RTP1: variants seen among roughly 807,000 people sequenced by gnomAD.
The protein encoded by RTP1 is receptor transporter protein 1, also known as receptor-transporting protein 1.
RTP1 carries 24 observed loss-of-function variants against 27.1 expected under a neutral mutation model. That is an observed-to-expected ratio of 0.89 (90% CI 0.64 to 1.25). RTP1 has a LOEUF of 1.25. Ranked by LOEUF, RTP1 falls within the 50% of genes most tolerant of loss-of-function variation. The probability of loss-of-function intolerance (pLI) is 0.00; values close to 1 mark genes in which losing one functional copy is unlikely to be tolerated. For synonymous variants in RTP1, 148 were observed against 148.1 expected, an observed-to-expected ratio of 1.00 and a Z score of 0.00; for missense variants, 338 against 351.6, an observed-to-expected ratio of 0.96 and a Z score of 0.31.
chr3:187,197,909 C>A, intron 1 of RTP1, 122 bp downstream of exon 1: 1 of 933,934 alleles, frequency 1.1e-6, no homozygotes, highest in Non-Finnish European at 1.6e-6. Context: ...CACTATTAGG[C>A]TGGCGTAGAC....
In RTP1 at chr3:187,200,439, G is replaced by T. The variant is rs1037113439; in HGVS notation, c.*369G>T. The T allele has an allele frequency of 6.6e-5, 8 of 120,568 alleles. No homozygotes were observed. Among genetic ancestry groups the T allele is most frequent in the Non-Finnish European group, 9.8e-5 (6 of 61,314 alleles). 7.5% of individuals were successfully genotyped at this position (120,568 alleles called of 1,614,324 possible). ...TTACTTTAGATAGGGTTCCATTTAA[G>T]ATTTTTGTACCAAAAAAAAAAAAAA... is the stretch of plus-strand genomic sequence containing the variant. On this transcript the variant is annotated 3_prime_UTR_variant, in exon 2 of 2. Transcript: ENST00000312295.
chr3:187,201,071 T>C lies in RTP1; in HGVS notation c.*1001T>C, dbSNP rs961642356. 1 of 152,216 alleles carries C rather than the reference T, an allele frequency of 6.6e-6. No individual in the cohort carries two copies. Among genetic ancestry groups the C allele is most frequent in the African/African-American group, 2.4e-5 (1 of 41,446 alleles). The allele number at this position is 152,216 out of a possible 1,614,324, so 9.4% of individuals were successfully genotyped here. ...ATTATAGTTGAATGGCTTTCTCACA[T>C]TGGCCAAGCATGAGGCCTCTTGCCA... On this transcript the variant is annotated 3_prime_UTR_variant, in exon 2 of 2. Transcript: ENST00000312295.
At position 187,200,018 on chromosome 3, in the gene RTP1, C is replaced by A; in HGVS notation, c.740C>A (p.Thr247Lys). The change falls in exon 2 of 2, where the codon ACG becomes AAG. Residue 247 changes from threonine to lysine, a missense_variant. Physicochemically the swap from Thr to Lys is moderately conservative, Grantham distance 78. This residue lies in a region of RTP1 where 252 missense variants were observed against 231.5 expected (regional missense o/e 1.09). Coordinates refer to ENST00000312295, the MANE Select transcript of RTP1 (RefSeq NM_153708.3). ...ATCCCCTGGTGCTTGTTTTGGGCCA[C>A]GGTCCTGCTGCTGATCATCTACCTG... is the stretch of plus-strand genomic sequence containing the variant. ...CSIPWCLFWATVLLLIIYLQF... is the reference protein window; with the variant it reads ...CSIPWCLFWAKVLLLIIYLQF... The A allele has an allele frequency of 6.5e-7, 1 of 1,531,934 alleles. No individual in the cohort carries two copies. The highest frequency in any genetic ancestry group is 8.8e-7 in the Non-Finnish European group (1 of 1,139,022). The allele number at this position is 1,531,934 out of a possible 1,614,324, so 94.9% of individuals were successfully genotyped here.
chr3:187,199,241 C>G (rs114225353), intron 1 of RTP1: 1 of 374,884 alleles, frequency 2.7e-6, no homozygotes, highest in East Asian at 4.1e-5. Context: ...GTGCACCAAG[C>G]GCATTTTGCC....
In RTP1 at chr3:187,199,919, C is replaced by T; in HGVS notation, c.641C>T (p.Thr214Ile). The change falls in exon 2 of 2, where the codon ACC becomes ATC. Residue 214 changes from threonine (T) to isoleucine (I), a missense_variant. By Grantham distance (89) the Thr-to-Ile change is moderately conservative. Transcript: ENST00000312295. ...SEKLLEEEAT[T>I]YTFSRAPSPT... ...AAGCTGCTGGAGGAGGAGGCGACCA[C>T]CTACACCTTCTCCCGGGCGCCCAGC... 1 of 1,596,712 alleles carries T rather than the reference C, an allele frequency of 6.3e-7. No individual in the cohort carries two copies. The highest frequency in any genetic ancestry group is 1.1e-5 in the South Asian group (1 of 88,348).
rs377103588 is a variant in RTP1 at position 187,197,523 on chromosome 3, T to A, written c.8T>A (p.Ile3Asn). 3.1e-6 allele frequency: 5 copies of A among 1,613,364 alleles called. No individual in the cohort carries two copies. Among genetic ancestry groups the A allele is most frequent in the Non-Finnish European group, 4.2e-6 (5 of 1,179,438 alleles). ...TTCCTCCTGGTCTTGTCGATGAGGA[T>A]TTTTAGACCGTGGAGACTGCGCTGC... MR[I>N]FRPWRLRCPA... Residue 3 changes from isoleucine to asparagine, a missense_variant, in exon 1 of 2, where the codon ATT becomes AAT. Coordinates refer to ENST00000312295, the MANE Select transcript of RTP1 (RefSeq NM_153708.3).
In RTP1 at chr3:187,199,727, T is replaced by A. The variant is rs780617827; in HGVS notation, c.449T>A (p.Ile150Asn). Residue 150 changes from isoleucine (I) to asparagine (N), a missense_variant, in exon 2 of 2, where the codon ATC becomes AAC. Coordinates refer to ENST00000312295, the MANE Select transcript of RTP1 (RefSeq NM_153708.3). ...LDESSMLEEN[I>N]EGLVDNLITS... Reference sequence around the variant, plus strand: ...GAGTCCAGCATGCTGGAGGAGAACATCGAGGGCCTGGTGGACAACCTCATC... The same window carrying A: ...GAGTCCAGCATGCTGGAGGAGAACAACGAGGGCCTGGTGGACAACCTCATC... 6.9e-5 allele frequency: 112 copies of A among 1,613,246 alleles called. No individual in the cohort carries two copies. The highest frequency in any genetic ancestry group is 8.8e-5 in the Non-Finnish European group (104 of 1,179,544).
At position 187,197,685 on chromosome 3, in the gene RTP1, C is replaced by T. The variant is rs367893714; in HGVS notation, c.170C>T (p.Ala57Val). ...KKVFYEKMEEAKPADSWDLII... is the reference protein window; with the variant it reads ...KKVFYEKMEEVKPADSWDLII... Reference sequence around the variant, plus strand: ...GTCTTCTATGAGAAGATGGAGGAGGCAAAGCCGGCTGACAGCTGGGACCTC... The same window carrying T: ...GTCTTCTATGAGAAGATGGAGGAGGTAAAGCCGGCTGACAGCTGGGACCTC... The change falls in exon 1 of 2, where the codon GCA becomes GTA. Residue 57 changes from alanine (A) to valine (V), a missense_variant. Around this residue, in one of 3 missense-constraint regions of RTP1, gnomAD observed 64 missense variants for 74.5 expected, o/e 0.86. Transcript: ENST00000312295. 6.2e-7 allele frequency: 1 copy of T among 1,614,058 alleles called. No individual in the cohort carries two copies. Among genetic ancestry groups the T allele is most frequent in the African/African-American group, 1.3e-5 (1 of 74,924 alleles).
rs936276647 is a variant in RTP1, at chr3:187,199,708, A to C, written c.430A>C (p.Ser144Arg). 5.0e-6 allele frequency: 8 copies of C among 1,613,314 alleles called. No individual in the cohort carries two copies. The African/African-American group carries it at 8.0e-5, about 16-fold the overall frequency. Residue 144 changes from serine to arginine, a missense_variant, in exon 2 of 2, where the codon AGC becomes CGC. Physicochemically the swap from Ser to Arg is moderately radical, Grantham distance 110. This residue lies in a region of RTP1 where 252 missense variants were observed against 231.5 expected (regional missense o/e 1.09). Coordinates refer to ENST00000312295, the MANE Select transcript of RTP1 (RefSeq NM_153708.3). ...ECGTARLDES[S>R]MLEENIEGLV... ...CGGCACGGCGCGGCTGGACGAGTCCAGCATGCTGGAGGAGAACATCGAGGG... is the reference window on the plus strand; with the variant it reads ...CGGCACGGCGCGGCTGGACGAGTCCCGCATGCTGGAGGAGAACATCGAGGG...
In RTP1 at chr3:187,199,662, C is replaced by T; in HGVS notation, c.384C>T (p.Phe128=). ...CGGGCTCGGTGCGCATGCGCGTCTT[C>T]AAGCAGCTGTGCTATGAGTGCGGCA... ...QRAGSVRMRV[F]KQLCYECGTA... The change falls in exon 2 of 2, where the codon TTC becomes TTT. Residue 128 remains phenylalanine, a synonymous_variant. Coordinates refer to ENST00000312295, the MANE Select transcript of RTP1 (RefSeq NM_153708.3). 1.2e-6 allele frequency: 2 copies of T among 1,610,186 alleles called. No individual in the cohort carries two copies. Among genetic ancestry groups the T allele is most frequent in the Non-Finnish European group, 1.7e-6 (2 of 1,176,838 alleles).
At chr3:187,199,172 AGAAATGTGCAGAT>A (rs1195637196) in intron 1 of RTP1, 1 of 210,260 alleles carries the variant, frequency 4.8e-6, no homozygotes, top group African/African-American at 2.3e-5. Context: ...GTTAACAGAT[AGAAATGTGCAGAT>A]GGATTATGTG....
Position 187,199,594 on chromosome 3 carries a change from G to T in RTP1, c.316G>T (p.Val106Leu). Residue 106 changes from valine to leucine, a missense_variant, in exon 2 of 2, where the codon GTG becomes TTG. Val to Leu is a conservative substitution (Grantham distance 32). This residue lies in a region of RTP1 where 252 missense variants were observed against 231.5 expected (regional missense o/e 1.09). Transcript: ENST00000312295. ...WCWHTWQSPYVVILFHMFLDR... is the reference protein window; with the variant it reads ...WCWHTWQSPYLVILFHMFLDR... ...CTGGCACACCTGGCAGTCGCCCTACGTGGTCATCCTCTTCCACATGTTCCT... is the reference window on the plus strand; with the variant it reads ...CTGGCACACCTGGCAGTCGCCCTACTTGGTCATCCTCTTCCACATGTTCCT... 6.2e-7 allele frequency: 1 copy of T among 1,605,210 alleles called. No homozygotes were observed. The highest frequency in any genetic ancestry group is 8.5e-7 in the Non-Finnish European group (1 of 1,173,090).
intron 1 of RTP1, chr3:187,199,156 G>C (rs941677200): frequency 3.2e-5 from 6 of 185,782 alleles, no homozygotes. Flanking sequence ...CCTGTTCACA[G>C]TCAGTGTTAA....
In RTP1 at chr3:187,200,231, C is replaced by T. The variant is rs1354984778; in HGVS notation, c.*161C>T. Reference sequence around the variant, plus strand: ...TTATACAGTTTTTCCATCTATAAAACTCAGGGTTTGGGCAAGATCATTGGT... The same window carrying T: ...TTATACAGTTTTTCCATCTATAAAATTCAGGGTTTGGGCAAGATCATTGGT... On this transcript the variant is annotated 3_prime_UTR_variant, in exon 2 of 2. Coordinates refer to ENST00000312295, the MANE Select transcript of RTP1 (RefSeq NM_153708.3). 1 of 615,668 alleles carries T rather than the reference C, an allele frequency of 1.6e-6. No homozygotes were observed. The highest frequency in any genetic ancestry group is 6.9e-5 in the South Asian group (1 of 14,438). The allele number at this position is 615,668 out of a possible 1,614,324, so 38.1% of individuals were successfully genotyped here. A position where few individuals can be genotyped will look rare whatever the true frequency, so the allele number is the denominator to read the frequency against.
chr3:187,199,862 A>G lies in RTP1; in HGVS notation c.584A>G (p.Gln195Arg), dbSNP rs1446520489. 1 of 1,599,220 alleles carries G rather than the reference A, an allele frequency of 6.3e-7. No individual in the cohort carries two copies. The highest frequency in any genetic ancestry group is 8.6e-7 in the Non-Finnish European group (1 of 1,168,458). Reference protein sequence around the residue: ...RHRGEFCEACQEGIVHWKPSE... With the variant: ...RHRGEFCEACREGIVHWKPSE... ...CGCGGAGAGTTCTGCGAGGCCTGCC[A>G]GGAGGGCATCGTGCACTGGAAGCCC... The change falls in exon 2 of 2, where the codon CAG becomes CGG. Residue 195 changes from glutamine (Q) to arginine (R), a missense_variant. By Grantham distance (43) the Gln-to-Arg change is conservative (BLOSUM62 1). Transcript: ENST00000312295.
chr3:187,200,064 C>G lies in RTP1; in HGVS notation c.786C>G (p.Ser262=), dbSNP rs147765157. The change falls in exon 2 of 2, where the codon TCC becomes TCG. Residue 262 remains serine, a synonymous_variant. Transcript: ENST00000312295. The part of the protein sequence containing the change: ...IIYLQFSFRS[S]V ...ACCTGCAGTTCTCTTTCCGTAGCTC[C>G]GTATAAGATTCCGTGGTTGGGCCCA... The G allele has an allele frequency of 2.7e-6, 4 of 1,505,748 alleles. No homozygotes were observed. Among genetic ancestry groups the G allele is most frequent in the Admixed American group, 4.5e-5 (2 of 44,362 alleles). 93.3% of individuals were successfully genotyped at this position (1,505,748 alleles called of 1,614,324 possible).
rs376404302 is a variant in RTP1, at chr3:187,200,081, T to C, written c.*11T>C. Reference sequence around the variant, plus strand: ...CGTAGCTCCGTATAAGATTCCGTGGTTGGGCCCAGAGCCTGTCGAGGGTGC... The same window carrying C: ...CGTAGCTCCGTATAAGATTCCGTGGCTGGGCCCAGAGCCTGTCGAGGGTGC... On this transcript the variant is annotated 3_prime_UTR_variant, in exon 2 of 2. Transcript: ENST00000312295. 47 of 1,500,628 alleles carry C rather than the reference T, an allele frequency of 3.1e-5. No homozygotes were observed. Among genetic ancestry groups the C allele is most frequent in the Non-Finnish European group, 3.9e-5 (44 of 1,123,044 alleles). 93.0% of individuals were successfully genotyped at this position (1,500,628 alleles called of 1,614,324 possible). A position where few individuals can be genotyped will look rare whatever the true frequency, so the allele number is the denominator to read the frequency against.
intron 1 of RTP1, 49 bp downstream of exon 1, chr3:187,197,836 A>C (rs1381324224): frequency 6.4e-7 from 1 of 1,567,082 alleles, no homozygotes; most frequent in Non-Finnish European, 8.7e-7. Flanking sequence ...CTAGGTCCCT[A>C]GCTCTGGGGC....
In RTP1 at chr3:187,200,424, T is replaced by G. The variant is rs1404373376; in HGVS notation, c.*354T>G. 1 of 173,728 alleles carries G rather than the reference T, an allele frequency of 5.8e-6. No individual in the cohort carries two copies. The highest frequency in any genetic ancestry group is 2.6e-5 in the African/African-American group (1 of 38,958). 10.8% of individuals were successfully genotyped at this position (173,728 alleles called of 1,614,324 possible). On this transcript the variant is annotated 3_prime_UTR_variant, in exon 2 of 2. Coordinates refer to ENST00000312295, the MANE Select transcript of RTP1 (RefSeq NM_153708.3). ...TCGATCAGAACAGCTTTACTTTAGA[T>G]AGGGTTCCATTTAAGATTTTTGTAC...
Sources: allele counts gnomAD v4.1 joint callset, GRCh38; gene constraint gnomAD v4.1.1; regional missense constraint gnomAD v4.1.1; transcripts MANE v1.5; gene names NCBI Gene and HGNC (gene_info 2026-07-23, HGNC 2026-07-21).